The following NDUFA3 variants were observed in gnomAD, a reference collection of about 807,000 sequenced individuals.
NDUFA3 encodes NADH dehydrogenase [ubiquinone] 1 alpha subcomplex subunit 3.
NDUFA3 carries 10 observed loss-of-function variants against 11.4 expected under a neutral mutation model. That is an observed-to-expected ratio of 0.87 (90% CI 0.54 to 1.48). The LOEUF (loss-of-function observed/expected upper bound fraction) is 1.48, where lower values mean the gene tolerates loss of function less well. Ranked by LOEUF, NDUFA3 falls within the 40% of genes most tolerant of loss-of-function variation. The pLI is 0.00. For synonymous variants in NDUFA3, 39 were observed against 46.9 expected (o/e 0.83, Z 0.68); for missense variants, 115 against 110.5 (o/e 1.04, Z -0.18).
At chr19:54,105,609 A>G (rs1393585493) in intron 2 of NDUFA3, 3 of 582,732 alleles carry the variant, frequency 5.1e-6, no homozygotes, top group African/African-American at 1.9e-5. Flanking sequence ...CAGTCCCATG[A>G]CACTACCCCC....
chr19:54,104,846 C>T (rs1256521682), intron 2 of NDUFA3, among the ~76,000 whole-genome samples: 3 of 151,894 alleles, frequency 2.0e-5, no homozygotes, highest in African/African-American at 7.3e-5. Flanking sequence ...TCAAGCGATT[C>T]TCCTGTCTCA....
intron 3 of NDUFA3, chr19:54,106,249 A>G: frequency 1.8e-6 from 1 of 543,468 alleles, no homozygotes; most frequent in Non-Finnish European, 3.3e-6. Context: ...CCAAGGCTGG[A>G]GTGCAGTGGC....
intron 2 of NDUFA3, chr19:54,105,651 G>A (rs960448788): frequency 1.7e-5 from 11 of 658,134 alleles, no homozygotes; most frequent in African/African-American, 3.6e-5. Context: ...ACACTCAAAC[G>A]TGCTCATTCC....
rs1201834834 is a variant in NDUFA3, at chr19:54,105,263, G to GATTTTTTTTTTTTTTTTT, written c.86-671_86-670insATTTTTTTTTTTTTTTTT. Among the ~76,000 whole-genome samples the GATTTTTTTTTTTTTTTTT allele has an allele frequency of 1.7e-3, 68 of 38,986 alleles. 4 individuals are homozygous for GATTTTTTTTTTTTTTTTT. Among genetic ancestry groups the GATTTTTTTTTTTTTTTTT allele is most frequent in the Middle Eastern group, 0.016 (1 of 64 alleles). The allele number at this position is 38,986 out of a possible 152,430, so 25.6% of individuals were successfully genotyped here. On this transcript the variant is annotated intron_variant, in intron 2 of 3. Coordinates refer to ENST00000485876, the MANE Select transcript of NDUFA3 (RefSeq NM_004542.4). ...AACCCTTTCTCCTCCAGTTTGTAAG[G>GATTTTTTTTTTTTTTTTT]CTTTTTTTTTTTTTTTTTTTTTGGT...
At chr19:54,105,579 C>A in intron 2 of NDUFA3, 1 of 476,492 alleles carries the variant, frequency 2.1e-6, no homozygotes. Flanking sequence ...AAATTTGTAA[C>A]AGTCTTGATT....
intron 3 of NDUFA3, chr19:54,106,526 G>A (rs984293983): frequency 1.6e-5 from 7 of 446,292 alleles, no homozygotes; most frequent in Non-Finnish European, 2.8e-5. Flanking sequence ...GTTCCCATCT[G>A]TGGTGGTTTC....
Position 54,106,022 on chromosome 19 carries a change from G to A in NDUFA3, c.163+11G>A, listed in dbSNP as rs1289814661. ...CCTACAACTACCCAGGTGAGTGGGG[G>A]CCAGGCAGGGATCCCCGGAATAGGC... On this transcript the variant is annotated intron_variant, in intron 3 of 3. Transcript: ENST00000485876. 6 of 1,607,590 alleles carry A rather than the reference G, an allele frequency of 3.7e-6. No homozygotes were observed. Among genetic ancestry groups the A allele is most frequent in the Middle Eastern group, 1.6e-4 (1 of 6,074 alleles).
rs778135220 is a variant in NDUFA3 at position 54,106,002 on chromosome 19, AACTACCCAG to A, written c.155_163del (p.Asn52_Val55delinsMet). On this transcript the variant is annotated inframe_deletion and splice_region_variant, in exon 3 of 4. Coordinates refer to ENST00000485876, the MANE Select transcript of NDUFA3 (RefSeq NM_004542.4). The stretch of plus-strand genomic sequence containing the variant: ...CATGATCAACAAGGCCACGCCCTAC[AACTACCCAG>A]GTGAGTGGGGGCCAGGCAGGGATCC... 1 of 1,613,102 alleles carries A rather than the reference AACTACCCAG, an allele frequency of 6.2e-7. No homozygotes were observed. The highest frequency in any genetic ancestry group is 1.7e-5 in the Admixed American group (1 of 59,990).
In NDUFA3 at chr19:54,107,071, C is replaced by T. The variant is rs772549976; in HGVS notation, c.*169C>T. On this transcript the variant is annotated 3_prime_UTR_variant, in exon 4 of 4. Transcript: ENST00000485876. ...TGCGTCAGTCAGAGGCTGGGCTGGC[C>T]AGGGTCGGGTAGGGCAGCAGTTTGT... The T allele has an allele frequency of 1.7e-5, 27 of 1,613,662 alleles. No homozygotes were observed. In the East Asian group the frequency reaches 5.8e-4, roughly 35 times the overall value.
At chr19:54,103,688 C>CT (rs587716924) in intron 2 of NDUFA3, among the ~76,000 whole-genome samples, 3,306 of 148,144 alleles carry the variant, frequency 0.022, 107 homozygotes, top group African/African-American at 0.076. Flanking sequence ...TAAAATGTAG[C>CT]TTTTTTTTTT....
At chr19:54,103,702 A>G (rs2073164562) in intron 2 of NDUFA3, among the ~76,000 whole-genome samples, 1 of 151,552 alleles carries the variant, frequency 6.6e-6, no homozygotes, top group South Asian at 2.1e-4. Context: ...TTTTTTTGCG[A>G]TGGAGTCTCA....
At chr19:54,106,747 C>T in intron 3 of NDUFA3, 64 bp from the exon 4 acceptor site, 15 of 1,380,988 alleles carry the variant, frequency 1.1e-5, no homozygotes, top group Non-Finnish European at 1.5e-5. Flanking sequence ...AAGCGACAGA[C>T]CAGCTCTTCT....
chr19:54,105,333 A>G (rs1369973906), intron 2 of NDUFA3, among the ~76,000 whole-genome samples: 1 of 134,910 alleles, frequency 7.4e-6, no homozygotes, highest in Non-Finnish European at 1.5e-5. Context: ...CAATGGCACA[A>G]TCTGGGCTCA....
chr19:54,106,125 C>T (rs1319801641), intron 3 of NDUFA3, 114 bp downstream of exon 3: 3 of 896,532 alleles, frequency 3.3e-6, no homozygotes, highest in Non-Finnish European at 5.3e-6. Flanking sequence ...TGCAGTGGTG[C>T]CCGGACCCCC....
chr19:54,105,457 TG>T (rs1383985267), intron 2 of NDUFA3: 1 of 240,536 alleles, frequency 4.2e-6, no homozygotes, highest in African/African-American at 2.3e-5. Flanking sequence ...TTAGTAGAGA[TG>T]GGGTTTCATC....
chr19:54,107,563 T>C lies in NDUFA3; in HGVS notation c.*661T>C, dbSNP rs587678746. 13 of 289,848 alleles carry C rather than the reference T, an allele frequency of 4.5e-5. No individual in the cohort carries two copies. Among genetic ancestry groups the C allele is most frequent in the African/African-American group, 2.9e-4 (13 of 45,286 alleles). 18.0% of individuals were successfully genotyped at this position (289,848 alleles called of 1,614,324 possible). Reference sequence around the variant, plus strand: ...TGCACCTGGCCAGCCTCACAGTTCTTGTCTGCCCAGGCCAGTCACCTTCCT... The same window carrying C: ...TGCACCTGGCCAGCCTCACAGTTCTCGTCTGCCCAGGCCAGTCACCTTCCT... On this transcript the variant is annotated 3_prime_UTR_variant, in exon 4 of 4. Transcript: ENST00000485876.
chr19:54,104,729 T>TG (rs1363804539), intron 2 of NDUFA3, among the ~76,000 whole-genome samples: 2 of 111,594 alleles, frequency 1.8e-5, no homozygotes, highest in African/African-American at 3.2e-5. Context: ...TGTACTATGG[T>TG]TTTTTTTGTT....
At chr19:54,105,813 G>A (rs2073241600) in intron 2 of NDUFA3, 121 bp from the exon 3 acceptor site, 6 of 805,056 alleles carry the variant, frequency 7.5e-6, no homozygotes, top group Non-Finnish European at 1.3e-5. Flanking sequence ...TCCTGGACGT[G>A]CTGGCCCTCC....
intron 3 of NDUFA3, 153 bp downstream of exon 3, chr19:54,106,164 A>G (rs2073254032): frequency 1.5e-6 from 1 of 687,388 alleles, no homozygotes; most frequent in African/African-American, 1.8e-5. Flanking sequence ...TTGAGATATA[A>G]TTCGTATACT....
Sources: allele counts gnomAD v4.1 joint callset (sites outside exome capture counted in the v4.1 genomes callset), GRCh38; gene constraint gnomAD v4.1.1; transcripts MANE v1.5; gene names NCBI Gene and HGNC (gene_info 2026-07-23, HGNC 2026-07-21).